Variants in MTHFD2L observed in about 807,000 individuals in gnomAD.
The protein encoded by MTHFD2L is bifunctional methylenetetrahydrofolate dehydrogenase/cyclohydrolase 2, mitochondrial.
MTHFD2L carries 29 observed loss-of-function variants against 34.9 expected under a neutral mutation model. The observed-to-expected ratio is 0.83, with a 90% confidence interval of 0.62 to 1.13. The LOEUF (loss-of-function observed/expected upper bound fraction) is 1.13. Ranked by LOEUF, MTHFD2L falls within the 50% of genes most tolerant of loss-of-function variation. The pLI is 0.00. For missense variants in MTHFD2L, 481 were observed against 446.5 expected, an observed-to-expected ratio of 1.08 and a Z score of -0.70; for synonymous variants, 167 against 155.7, an observed-to-expected ratio of 1.07 and a Z score of -0.54.
chr4:74,280,514 A>C (rs1055231504), intron 6 of MTHFD2L: 12 of 152,132 alleles, frequency 7.9e-5, no homozygotes, highest in African/African-American at 2.9e-4. Flanking sequence ...GACTCCAATT[A>C]CATGAAAGAT....
chr4:74,290,676 A>T, intron 7 of MTHFD2L, among the ~76,000 whole-genome samples: 1 of 151,900 alleles, frequency 6.6e-6, no homozygotes, highest in Non-Finnish European at 1.5e-5. Context: ...GCGAGGGTAC[A>T]TTGCTCACGT....
At chr4:74,129,326 T>C (rs775725109) in intron 1 of MTHFD2L, among the ~76,000 whole-genome samples, 7 of 152,066 alleles carry the variant, frequency 4.6e-5, no homozygotes, top group Non-Finnish European at 8.8e-5. Flanking sequence ...TATTCTAAAA[T>C]TGACCACATA....
At chr4:74,159,133 G>C (rs1446030787) in intron 1 of MTHFD2L, among the ~76,000 whole-genome samples, 1 of 152,192 alleles carries the variant, frequency 6.6e-6, no homozygotes, top group Non-Finnish European at 1.5e-5. Flanking sequence ...TGGAAACTTA[G>C]ATACTGTTTA....
chr4:74,294,149 G>A (rs759300481), intron 7 of MTHFD2L, among the ~76,000 whole-genome samples: 2 of 152,082 alleles, frequency 1.3e-5, no homozygotes, highest in Non-Finnish European at 2.9e-5. Flanking sequence ...TGAGACATCA[G>A]TTCTTCTTTC....
rs1420918428 is a variant in MTHFD2L, at chr4:74,302,705, T to C, written c.*896T>C. The stretch of plus-strand genomic sequence containing the variant: ...ATTAAAGAACAGCAACTGTTAATGT[T>C]TGTTCACAAATTCAGAAATCTAATA... On this transcript the variant is annotated 3_prime_UTR_variant, in exon 8 of 8. Transcript: ENST00000325278. The C allele has an allele frequency of 6.6e-6, 1 of 152,140 alleles. No individual in the cohort carries two copies. The highest frequency in any genetic ancestry group is 6.6e-5 in the Admixed American group (1 of 15,248). 9.4% of individuals were successfully genotyped at this position (152,140 alleles called of 1,614,324 possible).
chr4:74,159,079 G>T lies in MTHFD2L; in HGVS notation c.143+798G>T, dbSNP rs566202735. On this transcript the variant is annotated intron_variant, in intron 1 of 7. Coordinates refer to ENST00000325278, the MANE Select transcript of MTHFD2L (RefSeq NM_001144978.3). Reference sequence around the variant, plus strand: ...GTGTCTCACTCGAGTTTTTGTATCCGCCAGTGCCCAGCACAATCCCTAGAA... The same window carrying T: ...GTGTCTCACTCGAGTTTTTGTATCCTCCAGTGCCCAGCACAATCCCTAGAA... 6.6e-5 allele frequency among the ~76,000 whole-genome samples: 10 copies of T among 152,234 alleles called. No individual in the cohort carries two copies. In the South Asian group the frequency reaches 1.2e-3, roughly 19 times the overall value.
intron 1 of MTHFD2L, among the ~76,000 whole-genome samples, chr4:74,151,510 C>T (rs925933492): frequency 1.3e-5 from 2 of 152,120 alleles, no homozygotes; most frequent in African/African-American, 4.8e-5. Flanking sequence ...ACTTGAACTC[C>T]ACTTTCATCA....
chr4:74,207,589 G>A lies in MTHFD2L; in HGVS notation c.712+6219G>A, dbSNP rs145155464. Among the ~76,000 whole-genome samples the A allele has an allele frequency of 2.5e-3, 379 of 152,210 alleles. 1 individual carries two copies. Among genetic ancestry groups the A allele is most frequent in the African/African-American group, 8.2e-3 (340 of 41,538 alleles). On this transcript the variant is annotated intron_variant, in intron 5 of 7. Coordinates refer to ENST00000325278, the MANE Select transcript of MTHFD2L (RefSeq NM_001144978.3). ...ATCTTTGCAGTGGGTGTTTTCCGAA[G>A]GCACTGCCTCTGCATTGGCATTCAG... is the stretch of plus-strand genomic sequence containing the variant.
intron 7 of MTHFD2L, among the ~76,000 whole-genome samples, chr4:74,290,812 A>G (rs985567233): frequency 6.6e-6 from 1 of 151,474 alleles, no homozygotes; most frequent in Non-Finnish European, 1.5e-5. Context: ...TCTTTGCCCA[A>G]CTCTCATATG....
In MTHFD2L at chr4:74,215,467, G is replaced by A. The variant is rs530766482; in HGVS notation, c.713-9835G>A. 5.8e-4 allele frequency among the ~76,000 whole-genome samples: 88 copies of A among 151,828 alleles called. 3 individuals are homozygous for A. The highest frequency in any genetic ancestry group is 2.1e-3 in the African/African-American group (87 of 41,144). ...AGGGGAGGGAATTCCTCTACCCCTT[G>A]TTCTTCCTGGGTGAGGTGATGCCCC... On this transcript the variant is annotated intron_variant, in intron 5 of 7. Transcript: ENST00000325278.
chr4:74,286,186 A>G (rs529696497), intron 7 of MTHFD2L, among the ~76,000 whole-genome samples: 2 of 152,160 alleles, frequency 1.3e-5, no homozygotes, highest in East Asian at 3.9e-4. Flanking sequence ...CTATTACTTG[A>G]ACATACTTCC....
intron 5 of MTHFD2L, among the ~76,000 whole-genome samples, chr4:74,221,467 A>G (rs1738177531): frequency 6.6e-6 from 1 of 151,514 alleles, no homozygotes; most frequent in Non-Finnish European, 1.5e-5. Flanking sequence ...TGTATATATT[A>G]TTTTTCTATC....
chr4:74,194,817 G>T (rs1733185174), intron 3 of MTHFD2L: 1 of 151,910 alleles, frequency 6.6e-6, no homozygotes, highest in African/African-American at 2.4e-5. Flanking sequence ...AGTTGTTTCT[G>T]TACCTCACTT....
At chr4:74,241,300 T>A (rs1459149186) in intron 6 of MTHFD2L, among the ~76,000 whole-genome samples, 1 of 152,236 alleles carries the variant, frequency 6.6e-6, no homozygotes, top group East Asian at 1.9e-4. Context: ...TTCTATAATA[T>A]TATGGTCTGC....
At chr4:74,140,607 T>G in intron 1 of MTHFD2L, 3 of 880,742 alleles carry the variant, frequency 3.4e-6, no homozygotes, top group Non-Finnish European at 4.1e-6. Context: ...TATTAGTCCA[T>G]TCTCACACTG....
At chr4:74,209,184 CAAAA>C (rs1002350961) in intron 5 of MTHFD2L, among the ~76,000 whole-genome samples, 1 of 151,990 alleles carries the variant, frequency 6.6e-6, no homozygotes, top group African/African-American at 2.4e-5. Flanking sequence ...GGTTAAAAAA[CAAAA>C]AAACAAAACA....
chr4:74,265,727 A>T (rs547697438), intron 6 of MTHFD2L, among the ~76,000 whole-genome samples: 1 of 152,298 alleles, frequency 6.6e-6, no homozygotes, highest in African/African-American at 2.4e-5. Flanking sequence ...TTTGTCATGC[A>T]TACTATTTTT....
intron 1 of MTHFD2L, among the ~76,000 whole-genome samples, chr4:74,149,183 T>C (rs1723782475): frequency 6.6e-6 from 1 of 151,896 alleles, no homozygotes; most frequent in African/African-American, 2.4e-5. Context: ...TCTCTCCAGA[T>C]TTAGCAGTTT....
At chr4:74,290,043 G>A (rs1284309131) in intron 7 of MTHFD2L, among the ~76,000 whole-genome samples, 1 of 152,174 alleles carries the variant, frequency 6.6e-6, no homozygotes, top group Non-Finnish European at 1.5e-5. Flanking sequence ...TTGAAAGAAG[G>A]AAGTATGATA....
Sources: gnomAD v4.1 joint callset for allele counts (sites outside exome capture counted in the v4.1 genomes callset) on GRCh38, gnomAD v4.1.1 for gene constraint, MANE v1.5 for transcripts, NCBI Gene and HGNC (gene_info 2026-07-23, HGNC 2026-07-21) for gene names.